The following KIAA0930 variants were observed in gnomAD, a reference collection of about 807,000 sequenced individuals.
The protein encoded by KIAA0930 is KIAA0930.
In KIAA0930, 24 loss-of-function variants were observed where a neutral mutation model predicts 43.9. The observed-to-expected ratio is 0.55, with a 90% confidence interval of 0.40 to 0.77. KIAA0930 has a LOEUF of 0.77. Among genes scored for constraint, KIAA0930 ranks in the 30% least tolerant of loss-of-function variants. KIAA0930 has a pLI of 0.00. For synonymous variants in KIAA0930, 259 were observed against 216.4 expected (o/e 1.20, Z -1.73); for missense variants, 461 against 574.2 (o/e 0.80, Z 2.02).
chr22:45,199,734 G>A, intron 8 of KIAA0930, 139 bp downstream of exon 8: 2 of 904,456 alleles, frequency 2.2e-6, no homozygotes, highest in Non-Finnish European at 3.2e-6. Flanking sequence ...CTCCTGGAGG[G>A]CTGCCTGGCA....
At chr22:45,213,580 A>C (rs77646596) in intron 1 of KIAA0930, 2 of 882,440 alleles carry the variant, frequency 2.3e-6, no homozygotes, top group Non-Finnish European at 2.9e-6. Flanking sequence ...GCTACTACAG[A>C]CCCTTGCAAA....
intron 1 of KIAA0930, among the ~76,000 whole-genome samples, chr22:45,228,514 G>T (rs953274125): frequency 6.6e-6 from 1 of 152,108 alleles, no homozygotes; most frequent in Non-Finnish European, 1.5e-5. Context: ...CTCTGCAAAG[G>T]GGAACAGAGC....
rs573307587 is a variant in KIAA0930, at chr22:45,203,912, G to C, written c.590C>G (p.Thr197Arg). The stretch of plus-strand genomic sequence containing the variant: ...GCCCTGAAAGATGACCCCCTGGAAC[G>C]TGTTGGTTTTGTCACTAGCCACCAG... ...VELVASDKTN[T>R]FQGVIFQGSI... The change falls in exon 6 of 10, where the codon ACG becomes AGG. Residue 197 changes from threonine (T) to arginine (R), a missense_variant. Transcript: ENST00000336156. The C allele has an allele frequency of 1.3e-5, 21 of 1,613,660 alleles. No individual in the cohort carries two copies. The highest frequency in any genetic ancestry group is 1.5e-5 in the Non-Finnish European group (18 of 1,179,914).
chr22:45,210,419 T>C (rs1365094608), intron 2 of KIAA0930, among the ~76,000 whole-genome samples: 3 of 152,134 alleles, frequency 2.0e-5, no homozygotes, highest in Non-Finnish European at 4.4e-5. Context: ...GTGAGGATCC[T>C]GAGGCACCAT....
At chr22:45,202,317 G>T (rs1195226935) in intron 7 of KIAA0930, among the ~76,000 whole-genome samples, 1 of 152,272 alleles carries the variant, frequency 6.6e-6, no homozygotes, top group African/African-American at 2.4e-5. Context: ...CAAAGCTGCT[G>T]CTGACCTCAG....
intron 1 of KIAA0930, among the ~76,000 whole-genome samples, chr22:45,233,325 G>A (rs987156348): frequency 2.0e-5 from 3 of 152,192 alleles, no homozygotes; most frequent in Non-Finnish European, 2.9e-5. Context: ...AGGGTGGGCA[G>A]ACTGAGGCAG....
intron 2 of KIAA0930, 44 bp from the exon 3 acceptor site, chr22:45,205,956 G>A (rs769886090): frequency 6.2e-7 from 1 of 1,604,412 alleles, no homozygotes; most frequent in South Asian, 1.1e-5. Flanking sequence ...GCCCACTGTG[G>A]TGCTCTTCTT....
In KIAA0930 at chr22:45,198,092, C is replaced by A. The variant is rs1209006672; in HGVS notation, c.1016-144G>T. ...CAACACCCCCACACCAGCACCCACA[C>A]GCTCCAGAGCTGCTGCCTCCTCGCC... On this transcript the variant is annotated intron_variant, in intron 8 of 9. Coordinates refer to ENST00000336156, the MANE Select transcript of KIAA0930 (RefSeq NM_001009880.2). 4 of 713,632 alleles carry A rather than the reference C, an allele frequency of 5.6e-6. No individual in the cohort carries two copies. The East Asian group carries it at 7.9e-5, about 14-fold the overall frequency. The allele number at this position is 713,632 out of a possible 1,614,324, so 44.2% of individuals were successfully genotyped here. A position where few individuals can be genotyped will look rare whatever the true frequency, so the allele number is the denominator to read the frequency against.
At position 45,204,137 on chromosome 22, in the gene KIAA0930, G is replaced by A. The variant is rs376878533; in HGVS notation, c.517-152C>T. The A allele has an allele frequency of 1.0e-4, 98 of 983,552 alleles. 1 individual carries two copies. The East Asian group carries it at 1.5e-3, about 15-fold the overall frequency. The allele number at this position is 983,552 out of a possible 1,614,324, so 60.9% of individuals were successfully genotyped here. Reference sequence around the variant, plus strand: ...ACACTCCTGTGGCCCCATGCCCTCCGAGCCCCACAGGACAAGAACAGCCTC... The same window carrying A: ...ACACTCCTGTGGCCCCATGCCCTCCAAGCCCCACAGGACAAGAACAGCCTC... On this transcript the variant is annotated intron_variant, in intron 5 of 9. Coordinates refer to ENST00000336156, the MANE Select transcript of KIAA0930 (RefSeq NM_001009880.2).
At chr22:45,202,786 C>G (rs867454099) in intron 7 of KIAA0930, 5 of 519,486 alleles carry the variant, frequency 9.6e-6, no homozygotes, top group Middle Eastern at 9.9e-4. Context: ...AGGAACGCCT[C>G]CCCTGCGGCA....
intron 1 of KIAA0930, among the ~76,000 whole-genome samples, chr22:45,238,420 G>A (rs1002751731): frequency 2.0e-5 from 3 of 152,178 alleles, no homozygotes; most frequent in African/African-American, 7.2e-5. Flanking sequence ...TGCTAACTGG[G>A]GAGACAGCAC....
At position 45,197,868 on chromosome 22, in the gene KIAA0930, G is replaced by T. The variant is rs1450810712; in HGVS notation, c.1096C>A (p.Leu366Met). ...AGGAAGTTTCCATCTGCTCTGTTCAGCTTCAGCCAGGACCCGACCAGGGAC... is the reference window on the plus strand; with the variant it reads ...AGGAAGTTTCCATCTGCTCTGTTCATCTTCAGCCAGGACCCGACCAGGGAC... ...GRSLVGSWLK[L>M]NRADGNFLLY... Residue 366 changes from leucine (L) to methionine (M), a missense_variant, in exon 9 of 10, where the codon CTG becomes ATG. By Grantham distance (15) the Leu-to-Met change is conservative (BLOSUM62 2). Transcript: ENST00000336156. 1 of 1,614,200 alleles carries T rather than the reference G, an allele frequency of 6.2e-7. No homozygotes were observed. The highest frequency in any genetic ancestry group is 1.1e-5 in the South Asian group (1 of 91,084).
At chr22:45,227,075 G>A (rs1193807824) in intron 1 of KIAA0930, among the ~76,000 whole-genome samples, 1 of 152,234 alleles carries the variant, frequency 6.6e-6, no homozygotes, top group African/African-American at 2.4e-5. Context: ...TGAGCCAGGA[G>A]CCAGGCACAC....
chr22:45,232,114 C>T (rs1385874521), intron 1 of KIAA0930, among the ~76,000 whole-genome samples: 1 of 152,184 alleles, frequency 6.6e-6, no homozygotes, highest in African/African-American at 2.4e-5. Context: ...GGCCACCTCA[C>T]CCCAGGTCCA....
intron 5 of KIAA0930, 151 bp downstream of exon 5, chr22:45,205,066 G>C (rs2083623926): frequency 6.1e-6 from 4 of 652,860 alleles, no homozygotes; most frequent in African/African-American, 1.8e-5. Context: ...CAAACACTGG[G>C]AAGAGAGAGA....
chr22:45,229,324 C>CCCA (rs1331116976), intron 1 of KIAA0930, among the ~76,000 whole-genome samples: 1 of 141,346 alleles, frequency 7.1e-6, no homozygotes, highest in Admixed American at 7.1e-5. Flanking sequence ...TCCACATCCC[C>CCCA]ACCACCACTC....
intron 1 of KIAA0930, among the ~76,000 whole-genome samples, chr22:45,228,910 C>T (rs192412373): frequency 1.2e-4 from 3 of 24,808 alleles, no homozygotes; most frequent in African/African-American, 2.1e-4. Context: ...ACCACTCACC[C>T]GAAAGATCCC....
rs140408644 is a variant in KIAA0930, at chr22:45,200,446, GAC to G, written c.853-413_853-412del. Among the ~76,000 whole-genome samples, 476 of 152,264 alleles carry G rather than the reference GAC, an allele frequency of 3.1e-3. 1 individual carries two copies. The highest frequency in any genetic ancestry group is 0.01 in the Middle Eastern group (3 of 294). On this transcript the variant is annotated intron_variant, in intron 7 of 9. Transcript: ENST00000336156. ...GACAGGGGCTAGCGTCAGCCCATCT[GAC>G]ACATGGGGAAACTAAGGCAGGGACC...
In KIAA0930 at chr22:45,197,099, G is replaced by T; in HGVS notation, c.*77C>A. On this transcript the variant is annotated 3_prime_UTR_variant, in exon 10 of 10. Coordinates refer to ENST00000336156, the MANE Select transcript of KIAA0930 (RefSeq NM_001009880.2). The stretch of plus-strand genomic sequence containing the variant: ...CTGGCGTGCCATCGCAGACCCCGGT[G>T]GCGGTGGACAGGTAGGCACTTGGCA... The T allele has an allele frequency of 8.0e-7, 1 of 1,252,474 alleles. No homozygotes were observed. Among genetic ancestry groups the T allele is most frequent in the Non-Finnish European group, 1.1e-6 (1 of 918,100 alleles). The allele number at this position is 1,252,474 out of a possible 1,614,324, so 77.6% of individuals were successfully genotyped here.
Sources: allele counts gnomAD v4.1 joint callset (sites outside exome capture counted in the v4.1 genomes callset), GRCh38; gene constraint gnomAD v4.1.1; transcripts MANE v1.5; gene names NCBI Gene and HGNC (gene_info 2026-07-23, HGNC 2026-07-21).